The following DDX4 variants were observed in gnomAD, a reference collection of about 807,000 sequenced individuals.
The protein encoded by DDX4 is DEAD-box helicase 4.
A neutral mutation model predicts 100.0 loss-of-function variants in DDX4; 25 were observed. The observed-to-expected ratio is 0.25, with a 90% CI of 0.18 to 0.35. DDX4 has a LOEUF of 0.35. Among genes scored for constraint, DDX4 ranks in the 10% least tolerant of loss-of-function variants. DDX4 has a pLI of 1.00. For missense variants in DDX4, 635 were observed against 882.4 expected, an observed-to-expected ratio of 0.72 and a Z score of 3.55; for synonymous variants, 259 against 275.7, an observed-to-expected ratio of 0.94 and a Z score of 0.60.
rs576914974 is a variant in DDX4, at chr5:55,749,699, A to G, written c.127+3478A>G. 1.0e-3 allele frequency among the ~76,000 whole-genome samples: 159 copies of G among 151,628 alleles called. 6 individuals carry two copies. In the South Asian group the frequency reaches 0.032, roughly 30 times the overall value. On this transcript the variant is annotated intron_variant, in intron 3 of 21. Transcript: ENST00000505374. Reference sequence around the variant, plus strand: ...TACAGCTTCTATGTTGCTTTTGCTGATTTCTTTATTACTCATGTTTGATTT... The same window carrying G: ...TACAGCTTCTATGTTGCTTTTGCTGGTTTCTTTATTACTCATGTTTGATTT...
intron 16 of DDX4, among the ~76,000 whole-genome samples, chr5:55,791,347 C>CA (rs982544751): frequency 6.6e-6 from 1 of 152,024 alleles, no homozygotes; most frequent in Non-Finnish European, 1.5e-5. Flanking sequence ...CTGGGTTACT[C>CA]AAAAAAATGT....
In DDX4 at chr5:55,756,011, T is replaced by C. The variant is rs2111729345; in HGVS notation, c.128-4189T>C. Among the ~76,000 whole-genome samples, 3 of 152,298 alleles carry C rather than the reference T, an allele frequency of 2.0e-5. No homozygotes were observed. In the East Asian group the frequency reaches 5.8e-4, roughly 29 times the overall value. ...AATGGCGTCATACATTGTGTTCTTT[T>C]TTTGTTGAGGTTTTCTCCAGGTTGT... On this transcript the variant is annotated intron_variant, in intron 3 of 21. Coordinates refer to ENST00000505374, the MANE Select transcript of DDX4 (RefSeq NM_024415.3).
At chr5:55,815,695 T>C (rs111271390) in intron 21 of DDX4, among the ~76,000 whole-genome samples, 9 of 152,186 alleles carry the variant, frequency 5.9e-5, no homozygotes, top group African/African-American at 1.7e-4. Flanking sequence ...ATGGAATTAT[T>C]TAATTTTTGA....
intron 18 of DDX4, among the ~76,000 whole-genome samples, chr5:55,801,980 A>G (rs771099184): frequency 6.6e-6 from 1 of 152,114 alleles, no homozygotes; most frequent in Non-Finnish European, 1.5e-5. Context: ...AAAATCTCCA[A>G]GGCTGGGCCA....
At chr5:55,814,432 A>C (rs1744275940) in intron 19 of DDX4, among the ~76,000 whole-genome samples, 1 of 152,214 alleles carries the variant, frequency 6.6e-6, no homozygotes, top group Non-Finnish European at 1.5e-5. Context: ...ATTAAATAAA[A>C]TGGTAGCTTG....
chr5:55,789,305 G>A (rs1742415973), intron 15 of DDX4, among the ~76,000 whole-genome samples: 1 of 152,152 alleles, frequency 6.6e-6, no homozygotes, highest in Non-Finnish European at 1.5e-5. Context: ...CATTTTGGGG[G>A]CTTAGGAATT....
rs567680844 is a variant in DDX4 at position 55,780,389 on chromosome 5, C to T, written c.496+324C>T. ...GACCTTCTATGTGGCTTTACCTCCCCACATACCTTCTTTCACCAGTGTGGC... is the reference window on the plus strand; with the variant it reads ...GACCTTCTATGTGGCTTTACCTCCCTACATACCTTCTTTCACCAGTGTGGC... On this transcript the variant is annotated intron_variant, in intron 8 of 21. Coordinates refer to ENST00000505374, the MANE Select transcript of DDX4 (RefSeq NM_024415.3). Among the ~76,000 whole-genome samples, 4 of 152,280 alleles carry T rather than the reference C, an allele frequency of 2.6e-5. No homozygotes were observed. The South Asian group carries it at 8.3e-4, about 32-fold the overall frequency.
At chr5:55,762,853 C>T (rs994087316) in intron 4 of DDX4, among the ~76,000 whole-genome samples, 3 of 152,052 alleles carry the variant, frequency 2.0e-5, no homozygotes, top group African/African-American at 4.8e-5. Context: ...CAGGGCAGAG[C>T]GTAATAGCTG....
At chr5:55,802,204 C>T (rs983343452) in intron 18 of DDX4, among the ~76,000 whole-genome samples, 6 of 152,094 alleles carry the variant, frequency 3.9e-5, no homozygotes, top group African/African-American at 1.4e-4. Context: ...TTAACTGTTG[C>T]AGGTAACTAC....
intron 10 of DDX4, among the ~76,000 whole-genome samples, chr5:55,784,650 C>T (rs557113645): frequency 3.3e-5 from 5 of 152,302 alleles, no homozygotes; most frequent in African/African-American, 1.2e-4. Flanking sequence ...TGCTTTCCTT[C>T]TGGGAATCTG....
intron 2 of DDX4, chr5:55,742,070 T>G (rs2150804046): frequency 2.3e-6 from 1 of 434,404 alleles, no homozygotes; most frequent in Non-Finnish European, 4.7e-6. Context: ...GATAGAATTT[T>G]GGGTAGAACT....
chr5:55,791,781 A>G (rs1211061978), intron 16 of DDX4, among the ~76,000 whole-genome samples: 1 of 152,208 alleles, frequency 6.6e-6, no homozygotes, highest in Non-Finnish European at 1.5e-5. Flanking sequence ...CAAGCGCCTA[A>G]TAGCTAGCTA....
chr5:55,793,848 G>A (rs549507017), intron 17 of DDX4, among the ~76,000 whole-genome samples: 1 of 152,172 alleles, frequency 6.6e-6, no homozygotes, highest in African/African-American at 2.4e-5. Flanking sequence ...TCTCAGGTTG[G>A]CAGCTTCTGA....
intron 7 of DDX4, among the ~76,000 whole-genome samples, chr5:55,778,942 ACT>A (rs989395608): frequency 6.6e-6 from 1 of 152,140 alleles, no homozygotes; most frequent in Admixed American, 6.5e-5. Context: ...AGTTCGTAAA[ACT>A]CTAACATAAC....
At chr5:55,758,424 G>A (rs538296051) in intron 3 of DDX4, among the ~76,000 whole-genome samples, 4 of 152,100 alleles carry the variant, frequency 2.6e-5, no homozygotes, top group Non-Finnish European at 5.9e-5. Context: ...GAATGAGTTG[G>A]TGAGTAATTT....
At chr5:55,803,595 G>A (rs928352088) in intron 18 of DDX4, among the ~76,000 whole-genome samples, 5 of 147,950 alleles carry the variant, frequency 3.4e-5, no homozygotes, top group African/African-American at 1.3e-4. Context: ...TTGTTCTTGT[G>A]ATAGTTTACT....
rs540093624 is a variant in DDX4 at position 55,755,727 on chromosome 5, A to G, written c.128-4473A>G. 9.7e-4 allele frequency among the ~76,000 whole-genome samples: 147 copies of G among 151,788 alleles called. No individual in the cohort carries two copies. In the Middle Eastern group the frequency reaches 0.01, roughly 11 times the overall value. ...CCAGGGCAGATTCTTTTTTTTTTTA[A>G]ACTTTATTGAAGCATAATGTACACA... On this transcript the variant is annotated intron_variant, in intron 3 of 21. Transcript: ENST00000505374.
chr5:55,763,170 T>C lies in DDX4; in HGVS notation c.206-5T>C, dbSNP rs774194953. ...TAAAGAGTTTAACTGTCCACCCTTT[T>C]TCAGATGCTGGTGAGTGTAATAAGC... On this transcript the variant is annotated splice_polypyrimidine_tract_variant and splice_region_variant and intron_variant, in intron 4 of 21. Transcript: ENST00000505374. 1.9e-6 allele frequency: 3 copies of C among 1,602,116 alleles called. No individual in the cohort carries two copies. In the African/African-American group the frequency reaches 4.0e-5, roughly 22 times the overall value.
At chr5:55,749,732 G>A (rs1001707679) in intron 3 of DDX4, among the ~76,000 whole-genome samples, 2 of 150,896 alleles carry the variant, frequency 1.3e-5, no homozygotes, top group Non-Finnish European at 2.9e-5. Flanking sequence ...TTTGAAACAA[G>A]CTGTTTGTGG....
Sources: allele counts gnomAD v4.1 joint callset (sites outside exome capture counted in the v4.1 genomes callset), GRCh38; gene constraint gnomAD v4.1.1; transcripts MANE v1.5; gene names NCBI Gene and HGNC (gene_info 2026-07-23, HGNC 2026-07-21).